The following SLC25A16 variants were observed in gnomAD, a reference collection of about 807,000 sequenced individuals.
The protein encoded by SLC25A16 is solute carrier family 25 member 16, also known as mitochondrial coenzyme A transporter SLC25A16.
SLC25A16 carries 39 observed loss-of-function variants against 41.5 expected under a neutral mutation model. The ratio of observed to expected loss-of-function variants is 0.94; its 90% CI spans 0.73 to 1.23. The LOEUF (loss-of-function observed/expected upper bound fraction) is 1.23, where lower values mean the gene tolerates loss of function less well. Among genes scored for constraint, SLC25A16 ranks in the 50% most tolerant of loss-of-function variants. SLC25A16 has a pLI of 0.00. For synonymous variants in SLC25A16, 146 were observed against 147.8 expected, an observed-to-expected ratio of 0.99 and a Z score of 0.09; for missense variants, 421 against 426.9, an observed-to-expected ratio of 0.99 and a Z score of 0.12.
Position 68,483,578 on chromosome 10 carries a change from C to A in SLC25A16, c.853G>T (p.Asp285Tyr). The A allele has an allele frequency of 6.2e-7, 1 of 1,602,350 alleles. No individual in the cohort carries two copies. The change falls in exon 9 of 9, where the codon GAT (aspartate) becomes TAT (tyrosine). Residue 285 changes from aspartate (D) to tyrosine (Y), a missense_variant. By Grantham distance (160) the Asp-to-Tyr change is radical. Transcript: ENST00000609923. Reference sequence around the variant, plus strand: ...TGTCCATAGACATACTTCATAGTATCCCGCATGGTACTGAAAGACAATGAT... The same window carrying A: ...TGTCCATAGACATACTTCATAGTATACCGCATGGTACTGAAAGACAATGAT... ...PEFEKCLTMR[D>Y]TMKYVYGHHG...
At position 68,527,494 on chromosome 10, in the gene SLC25A16, C is replaced by G; in HGVS notation, c.-119G>C. On this transcript the variant is annotated 5_prime_UTR_variant, in exon 1 of 9. Transcript: ENST00000609923. ...CCCCGCCGGCGGGGCAAAGTAACAC[C>G]CGGCGGCGCGGCGCCGGCTGATGGC... The G allele has an allele frequency of 1.0e-6, 1 of 997,528 alleles. No individual in the cohort carries two copies. Among genetic ancestry groups the G allele is most frequent in the African/African-American group, 1.7e-5 (1 of 57,678 alleles). 61.8% of individuals were successfully genotyped at this position (997,528 alleles called of 1,614,324 possible). A position where few individuals can be genotyped will look rare whatever the true frequency, so the allele number is the denominator to read the frequency against.
At chr10:68,524,997 A>G (rs1436048267) in intron 1 of SLC25A16, among the ~76,000 whole-genome samples, 1 of 151,808 alleles carries the variant, frequency 6.6e-6, no homozygotes, top group East Asian at 1.9e-4. Context: ...CAGTGAGCCA[A>G]GATCACGCCA....
At chr10:68,507,392 T>C (rs1033826460) in intron 2 of SLC25A16, among the ~76,000 whole-genome samples, 22 of 152,066 alleles carry the variant, frequency 1.4e-4, no homozygotes, top group African/African-American at 5.3e-4. Flanking sequence ...CTACTCTTTA[T>C]CTGGAAGGAT....
rs2052471080 is a variant in SLC25A16, at chr10:68,480,409, G to A, written c.*3023C>T. 6.7e-6 allele frequency: 1 copy of A among 149,914 alleles called. No individual in the cohort carries two copies. The highest frequency in any genetic ancestry group is 1.5e-5 in the Non-Finnish European group (1 of 67,758). 9.3% of individuals were successfully genotyped at this position (149,914 alleles called of 1,614,324 possible). A position where few individuals can be genotyped will look rare whatever the true frequency, so the allele number is the denominator to read the frequency against. ...ATAAAATTTATTTTTAATATCCTCT[G>A]TATTCTATAACATATAGAATGCAAA... On this transcript the variant is annotated 3_prime_UTR_variant, in exon 9 of 9. Transcript: ENST00000609923.
At chr10:68,500,452 C>T (rs1383941641) in intron 4 of SLC25A16, among the ~76,000 whole-genome samples, 5 of 151,992 alleles carry the variant, frequency 3.3e-5, no homozygotes, top group Admixed American at 2.0e-4. Context: ...GGATTACAGG[C>T]GCCAACCACC....
Position 68,515,755 on chromosome 10 carries a change from G to A in SLC25A16, c.223+996C>T, listed in dbSNP as rs766421673. 1.5e-4 allele frequency among the ~76,000 whole-genome samples: 23 copies of A among 152,010 alleles called. 1 individual carries two copies. Among genetic ancestry groups the A allele is most frequent in the Admixed American group, 8.5e-4 (13 of 15,232 alleles). On this transcript the variant is annotated intron_variant, in intron 2 of 8. Transcript: ENST00000609923. ...AGAGGTTGCAGTGAGCCGAGGTCGC[G>A]CCATTGCACTCCAGCCTGGGCAACA...
chr10:68,488,935 T>C lies in SLC25A16; in HGVS notation c.611-306A>G, dbSNP rs192660552. On this transcript the variant is annotated intron_variant, in intron 6 of 8. Transcript: ENST00000609923. ...TTTCACATGAGAAAAATTAAATTCA[T>C]GATTATTAATTACAAGGAAATGTGA... 5.3e-5 allele frequency among the ~76,000 whole-genome samples: 8 copies of C among 152,282 alleles called. No individual in the cohort carries two copies. In the East Asian group the frequency reaches 1.3e-3, roughly 26 times the overall value.
chr10:68,485,135 G>A (rs1254405286), intron 8 of SLC25A16, among the ~76,000 whole-genome samples: 1 of 152,156 alleles, frequency 6.6e-6, no homozygotes, highest in African/African-American at 2.4e-5. Flanking sequence ...TCGCTGCCAG[G>A]CTGGAGTGCA....
chr10:68,515,370 A>G (rs2053144140), intron 2 of SLC25A16, among the ~76,000 whole-genome samples: 1 of 151,692 alleles, frequency 6.6e-6, no homozygotes, highest in Admixed American at 6.6e-5. Context: ...AAAAAGAAAA[A>G]AAAAAAAAAA....
intron 4 of SLC25A16, 119 bp downstream of exon 4, chr10:68,503,513 A>C (rs775500136): frequency 1.6e-5 from 9 of 562,264 alleles, no homozygotes; most frequent in African/African-American, 3.9e-5. Flanking sequence ...AAAAAATACA[A>C]GTCACAGGAC....
intron 2 of SLC25A16, among the ~76,000 whole-genome samples, chr10:68,515,355 T>A (rs1418065591): frequency 2.6e-5 from 1 of 39,010 alleles, no homozygotes; most frequent in Non-Finnish European, 5.0e-5. Flanking sequence ...AAACTCCATC[T>A]CCAAAAAAAG....
At chr10:68,519,551 T>C (rs960415866) in intron 1 of SLC25A16, among the ~76,000 whole-genome samples, 29 of 151,806 alleles carry the variant, frequency 1.9e-4, no homozygotes, top group Non-Finnish European at 5.9e-5. Context: ...AAAAATAATA[T>C]GCATTTGGAT....
At chr10:68,488,305 A>T (rs2052598430) in intron 7 of SLC25A16, among the ~76,000 whole-genome samples, 162 bp downstream of exon 7, 1 of 151,896 alleles carries the variant, frequency 6.6e-6, no homozygotes, top group Admixed American at 6.6e-5. Flanking sequence ...TAATATGCTT[A>T]AAGTGCACAC....
chr10:68,516,691 T>C lies in SLC25A16; in HGVS notation c.223+60A>G, dbSNP rs78056250. 5.8e-4 allele frequency: 724 copies of C among 1,255,586 alleles called. 5 individuals are homozygous for C. The African/African-American group carries it at 0.01, about 18-fold the overall frequency. 77.8% of individuals were successfully genotyped at this position (1,255,586 alleles called of 1,614,324 possible). On this transcript the variant is annotated intron_variant, in intron 2 of 8. Coordinates refer to ENST00000609923, the MANE Select transcript of SLC25A16 (RefSeq NM_152707.4). ...TTACACCCCCAAACTTAAATTCCCT[T>C]TTTTGCCCACTTTCCACAATATTTT...
chr10:68,516,889 T>G, intron 1 of SLC25A16, 46 bp from the exon 2 acceptor site: 2 of 1,423,888 alleles, frequency 1.4e-6, no homozygotes, highest in Non-Finnish European at 2.0e-6. Context: ...TACCATTTCT[T>G]TCCAGATGGA....
rs1177123272 is a variant in SLC25A16, at chr10:68,487,339, G to A, written c.774-127C>T. On this transcript the variant is annotated intron_variant, in intron 7 of 8. Transcript: ENST00000609923. Reference sequence around the variant, plus strand: ...GCTCTTATTGTTCTGTCTAACCTAGGAGTCGGGATATAGGCATATGAATAA... The same window carrying A: ...GCTCTTATTGTTCTGTCTAACCTAGAAGTCGGGATATAGGCATATGAATAA... The A allele has an allele frequency of 2.0e-5, 14 of 683,554 alleles. No homozygotes were observed. The East Asian group carries it at 3.5e-4, about 17-fold the overall frequency. 42.3% of individuals were successfully genotyped at this position (683,554 alleles called of 1,614,324 possible).
chr10:68,490,379 G>A (rs1412025647), intron 6 of SLC25A16, among the ~76,000 whole-genome samples: 1 of 148,956 alleles, frequency 6.7e-6, no homozygotes, highest in Admixed American at 6.7e-5. Context: ...TTTTACTCTT[G>A]TCACCCAGGC....
At chr10:68,488,141 C>T (rs775033517) in intron 7 of SLC25A16, among the ~76,000 whole-genome samples, 7 of 152,074 alleles carry the variant, frequency 4.6e-5, no homozygotes, top group Non-Finnish European at 5.9e-5. Flanking sequence ...TGAGTCACCG[C>T]GCCCACCCTC....
intron 4 of SLC25A16, among the ~76,000 whole-genome samples, chr10:68,495,191 A>G (rs2052729557): frequency 6.6e-6 from 1 of 152,022 alleles, no homozygotes; most frequent in African/African-American, 2.4e-5. Flanking sequence ...TAGGCGGATC[A>G]CTTGAGGTCA....
Sources: gnomAD v4.1 joint callset for allele counts (sites outside exome capture counted in the v4.1 genomes callset) on GRCh38, gnomAD v4.1.1 for gene constraint, MANE v1.5 for transcripts, NCBI Gene and HGNC (gene_info 2026-07-23, HGNC 2026-07-21) for gene names.